The following IPCEF1 variants were observed in gnomAD, a reference collection of about 807,000 sequenced individuals.
IPCEF1 encodes the protein interaction protein for cytohesin exchange factors 1.
IPCEF1 carries 31 observed loss-of-function variants against 50.9 expected under a neutral mutation model. The ratio of observed to expected loss-of-function variants is 0.61; its 90% CI spans 0.46 to 0.82. The LOEUF (loss-of-function observed/expected upper bound fraction) is 0.82. Ranked by LOEUF, IPCEF1 falls within the 40% of genes least tolerant of loss-of-function variation. The pLI is 0.00. For synonymous variants in IPCEF1, 181 were observed against 192.0 expected, an observed-to-expected ratio of 0.94 and a Z score of 0.47; for missense variants, 458 against 514.0, an observed-to-expected ratio of 0.89 and a Z score of 1.05.
chr6:154,262,356 T>A (rs1781622825), intron 3 of IPCEF1, among the ~76,000 whole-genome samples: 1 of 152,270 alleles, frequency 6.6e-6, no homozygotes. Context: ...GTTAGTCCTT[T>A]GGTAATCACA....
intron 10 of IPCEF1, among the ~76,000 whole-genome samples, chr6:154,183,903 C>T (rs1036283735): frequency 1.3e-5 from 2 of 150,674 alleles, no homozygotes; most frequent in Admixed American, 1.3e-4. Context: ...AACAAACAAA[C>T]AAAAAAAACA....
chr6:154,354,489 T>TCCACCACCACCTCCACCATCTCCTCCACA (rs1562300369), intron 1 of IPCEF1, among the ~76,000 whole-genome samples: 2 of 26,216 alleles, frequency 7.6e-5, no homozygotes, highest in South Asian at 8.9e-4. Context: ...CCACCATCTC[T>TCCACCACCACCTCCACCATCTCCTCCACA]ACCGTCACTT....
At chr6:154,160,730 GT>G (rs1798940771) in intron 11 of IPCEF1, among the ~76,000 whole-genome samples, 1 of 152,096 alleles carries the variant, frequency 6.6e-6, no homozygotes, top group Non-Finnish European at 1.5e-5. Flanking sequence ...TAAATAAGAT[GT>G]TCATCCTCCA....
In IPCEF1 at chr6:154,330,325, CTTTT is replaced by C. The variant is rs138406253; in HGVS notation, c.-62+26343_-62+26346del. On this transcript the variant is annotated intron_variant, in intron 1 of 11. Coordinates refer to ENST00000367220, the MANE Select transcript of IPCEF1 (RefSeq NM_001130700.2). ...AACGGGACTTCTACAATTATAGCCT[CTTTT>C]TTTTTTTTTTTTTTTTTTTTTTTAA... Among the ~76,000 whole-genome samples the C allele has an allele frequency of 1.0e-3, 89 of 89,254 alleles. 1 individual carries two copies. Among genetic ancestry groups the C allele is most frequent in the Middle Eastern group, 7.5e-3 (1 of 134 alleles). 58.6% of individuals were successfully genotyped at this position (89,254 alleles called of 152,430 possible).
rs575264281 is a variant in IPCEF1 at position 154,214,202 on chromosome 6, T to G, written c.451+16A>C. 1 of 1,569,152 alleles carries G rather than the reference T, an allele frequency of 6.4e-7. No individual in the cohort carries two copies. Among genetic ancestry groups the G allele is most frequent in the East Asian group, 2.2e-5 (1 of 44,650 alleles). On this transcript the variant is annotated intron_variant, in intron 8 of 11. Coordinates refer to ENST00000367220, the MANE Select transcript of IPCEF1 (RefSeq NM_001130700.2). ...ATATTCTTGCTAAATTTTCAGAAAT[T>G]TAAAATAGAACATACCTTCATCCTT...
intron 1 of IPCEF1, among the ~76,000 whole-genome samples, chr6:154,338,744 A>G (rs1161448993): frequency 1.3e-5 from 2 of 152,136 alleles, no homozygotes; most frequent in Non-Finnish European, 2.9e-5. Context: ...AACATGATGA[A>G]AACTTGTCTC....
In IPCEF1 at chr6:154,168,225, A is replaced by G. The variant is rs536166584; in HGVS notation, c.911-112T>C. On this transcript the variant is annotated intron_variant, in intron 10 of 11. Coordinates refer to ENST00000367220, the MANE Select transcript of IPCEF1 (RefSeq NM_001130700.2). This position sits in a 1 kb window ranked among gnomAD's most constrained non-coding sequence, Gnocchi z 4.1. ...GGCCCCACTGGCACCCTCATCTCAG[A>G]CTTCTCTCCGGAACTGAAAGACAAT... 70 of 728,218 alleles carry G rather than the reference A, an allele frequency of 9.6e-5. 1 individual carries two copies. In the South Asian group the frequency reaches 1.9e-3, roughly 19 times the overall value. The allele number at this position is 728,218 out of a possible 1,614,324, so 45.1% of individuals were successfully genotyped here. A position where few individuals can be genotyped will look rare whatever the true frequency, so the allele number is the denominator to read the frequency against.
Position 154,158,140 on chromosome 6 carries a change from G to A in IPCEF1, c.*1688C>T, listed in dbSNP as rs1427374212. 1 of 152,194 alleles carries A rather than the reference G, an allele frequency of 6.6e-6. No individual in the cohort carries two copies. Among genetic ancestry groups the A allele is most frequent in the Non-Finnish European group, 1.5e-5 (1 of 68,044 alleles). The allele number at this position is 152,194 out of a possible 1,614,324, so 9.4% of individuals were successfully genotyped here. A position where few individuals can be genotyped will look rare whatever the true frequency, so the allele number is the denominator to read the frequency against. ...TTAAGGCTTCTTAGTAAAGCTTGGG[G>A]AACTATTCAACAACTATTTCCATTT... On this transcript the variant is annotated 3_prime_UTR_variant, in exon 12 of 12. Transcript: ENST00000367220.
intron 10 of IPCEF1, among the ~76,000 whole-genome samples, chr6:154,180,404 ATATATATATATTTTTT>A (rs1291438771): frequency 6.6e-3 from 267 of 40,404 alleles, no homozygotes; most frequent in African/African-American, 0.019. Flanking sequence ...ATATATATAT[ATATATATATATTTTTT>A]TTTTAAACAT....
intron 2 of IPCEF1, among the ~76,000 whole-genome samples, chr6:154,289,212 T>C (rs1208409534): frequency 6.6e-6 from 1 of 151,970 alleles, no homozygotes; most frequent in Non-Finnish European, 1.5e-5. Flanking sequence ...TCATTAGGAG[T>C]AAACTTATAA....
At chr6:154,346,377 A>C (rs1206756260) in intron 1 of IPCEF1, among the ~76,000 whole-genome samples, 1 of 152,254 alleles carries the variant, frequency 6.6e-6, no homozygotes, top group African/African-American at 2.4e-5. Context: ...AGTTGATAAC[A>C]CATTTTACTA....
At chr6:154,284,643 A>G (rs1782311942) in intron 2 of IPCEF1, among the ~76,000 whole-genome samples, 1 of 152,152 alleles carries the variant, frequency 6.6e-6, no homozygotes. Context: ...TCCCTGAGTG[A>G]CTTTGTGGAG....
chr6:154,349,958 A>G (rs1035403951), intron 1 of IPCEF1, among the ~76,000 whole-genome samples: 3 of 152,230 alleles, frequency 2.0e-5, no homozygotes, highest in Admixed American at 6.5e-5. Flanking sequence ...TAATCATGTA[A>G]TAGGAATTAG....
chr6:154,322,640 C>A (rs1365098144), intron 1 of IPCEF1, among the ~76,000 whole-genome samples: 1 of 152,062 alleles, frequency 6.6e-6, no homozygotes, highest in Non-Finnish European at 1.5e-5. Context: ...AGTTCAAGAC[C>A]AGCCTGGCCA....
At chr6:154,214,432 C>T (rs995183562) in intron 7 of IPCEF1, 156 bp from the exon 8 acceptor site, 20 of 659,238 alleles carry the variant, frequency 3.0e-5, no homozygotes, top group Non-Finnish European at 5.0e-5. Flanking sequence ...AACCTAAGGC[C>T]TCTGGTTTCA....
rs1196626319 is a variant in IPCEF1 at position 154,340,239 on chromosome 6, TTTTAA to T, written c.-62+16428_-62+16432del. Among the ~76,000 whole-genome samples the T allele has an allele frequency of 2.2e-5, 3 of 139,332 alleles. No individual in the cohort carries two copies. In the East Asian group the frequency reaches 8.5e-4, roughly 39 times the overall value. The allele number at this position is 139,332 out of a possible 152,430, so 91.4% of individuals were successfully genotyped here. A position where few individuals can be genotyped will look rare whatever the true frequency, so the allele number is the denominator to read the frequency against. The stretch of plus-strand genomic sequence containing the variant: ...ACAGCTTGGTTTTATAGATTTTATT[TTTTAA>T]TTTATTATTATTATTATTATTTTTG... On this transcript the variant is annotated intron_variant, in intron 1 of 11. Coordinates refer to ENST00000367220, the MANE Select transcript of IPCEF1 (RefSeq NM_001130700.2).
At chr6:154,206,761 G>C (rs1483984713) in intron 9 of IPCEF1, among the ~76,000 whole-genome samples, 1 of 152,188 alleles carries the variant, frequency 6.6e-6, no homozygotes, top group Non-Finnish European at 1.5e-5. Flanking sequence ...ATTGGGGTGG[G>C]AGTCAGGGGC....
chr6:154,161,066 C>T (rs1041151288), intron 11 of IPCEF1, among the ~76,000 whole-genome samples: 1 of 152,168 alleles, frequency 6.6e-6, no homozygotes, highest in Admixed American at 6.5e-5. Context: ...TTTTCTCACC[C>T]ACACAACACT....
At chr6:154,281,258 C>A (rs1230326808) in intron 2 of IPCEF1, among the ~76,000 whole-genome samples, 1 of 147,336 alleles carries the variant, frequency 6.8e-6, no homozygotes, top group African/African-American at 2.5e-5. Flanking sequence ...GAGGCTGAGG[C>A]AAGAGAATTG....
Sources: gnomAD v4.1 joint callset for allele counts (sites outside exome capture counted in the v4.1 genomes callset) on GRCh38, gnomAD v4.1.1 for gene constraint, Gnocchi (gnomAD v3.1) non-coding constraint, MANE v1.5 for transcripts, NCBI Gene and HGNC (gene_info 2026-07-23, HGNC 2026-07-21) for gene names.